The following GPATCH8 variants were observed in gnomAD, a reference collection of about 807,000 sequenced individuals.
The protein encoded by GPATCH8 is G-patch domain containing 8, also known as G patch domain-containing protein 8.
GPATCH8 carries 18 observed loss-of-function variants against 118.3 expected under a neutral mutation model. That is an observed-to-expected ratio of 0.15 (90% CI 0.11 to 0.23). GPATCH8 has a LOEUF of 0.23. Ranked by LOEUF, GPATCH8 falls within the 10% of genes least tolerant of loss-of-function variation. The pLI, the probability that GPATCH8 is intolerant of heterozygous loss-of-function variation, is 1.00. For synonymous variants in GPATCH8, 659 were observed against 684.7 expected (o/e 0.96, Z 0.59); for missense variants, 1,631 against 1,873.8 (o/e 0.87, Z 2.39).
At chr17:44,449,592 C>T (rs2051037856) in intron 3 of GPATCH8, among the ~76,000 whole-genome samples, 1 of 151,526 alleles carries the variant, frequency 6.6e-6, no homozygotes, top group African/African-American at 2.4e-5. Flanking sequence ...TCTTGGCTCA[C>T]CGCAACCTCC....
chr17:44,450,179 T>C (rs1364697372), intron 3 of GPATCH8, among the ~76,000 whole-genome samples: 1 of 152,182 alleles, frequency 6.6e-6, no homozygotes, highest in Non-Finnish European at 1.5e-5. Flanking sequence ...AGTAGTAACT[T>C]GCGGTTCAAA....
At chr17:44,436,712 T>C (rs1394804247) in intron 3 of GPATCH8, 167 bp from the exon 4 acceptor site, 5 of 674,248 alleles carry the variant, frequency 7.4e-6, no homozygotes, top group Admixed American at 2.2e-5. Flanking sequence ...AGACCTTCCT[T>C]TCCTAGTTTA....
intron 1 of GPATCH8, among the ~76,000 whole-genome samples, chr17:44,499,010 T>C (rs1342758721): frequency 6.6e-6 from 1 of 152,236 alleles, no homozygotes; most frequent in African/African-American, 2.4e-5. Flanking sequence ...ATGTAATACA[T>C]GACTAGCTTA....
intron 3 of GPATCH8, among the ~76,000 whole-genome samples, chr17:44,453,308 T>A (rs1172433063): frequency 6.6e-6 from 1 of 152,196 alleles, no homozygotes; most frequent in Non-Finnish European, 1.5e-5. Flanking sequence ...ACTGGTTGCT[T>A]ACCCTTGGGC....
At chr17:44,406,124 T>TA in intron 6 of GPATCH8, 73 bp from the exon 7 acceptor site, 1 of 1,079,560 alleles carries the variant, frequency 9.3e-7, no homozygotes, top group Middle Eastern at 2.4e-4. Context: ...GCAAAGCCTT[T>TA]AGGACATGAC....
chr17:44,493,260 C>G (rs960699795), intron 1 of GPATCH8, among the ~76,000 whole-genome samples: 2 of 152,044 alleles, frequency 1.3e-5, no homozygotes, highest in Admixed American at 1.3e-4. Flanking sequence ...AGGGTTTTGC[C>G]ATGTTGGCCA....
Position 44,395,768 on chromosome 17 carries a change from T to A in GPATCH8, c.*1800A>T, listed in dbSNP as rs1289353325. 2.2e-6 allele frequency: 1 copy of A among 454,012 alleles called. No homozygotes were observed. The highest frequency in any genetic ancestry group is 2.0e-5 in the African/African-American group (1 of 49,996). The allele number at this position is 454,012 out of a possible 1,614,324, so 28.1% of individuals were successfully genotyped here. On this transcript the variant is annotated 3_prime_UTR_variant, in exon 8 of 8. Coordinates refer to ENST00000591680, the MANE Select transcript of GPATCH8 (RefSeq NM_001002909.4). ...AGCCTTGGCCCAGGTAAGTATGGTTTTTCTTGTCAAGTGACCAACCAACCA... is the reference window on the plus strand; with the variant it reads ...AGCCTTGGCCCAGGTAAGTATGGTTATTCTTGTCAAGTGACCAACCAACCA...
chr17:44,496,668 T>C (rs551178306), intron 1 of GPATCH8, among the ~76,000 whole-genome samples: 1 of 152,352 alleles, frequency 6.6e-6, no homozygotes, highest in South Asian at 2.1e-4. Context: ...TTACTATCTA[T>C]GGGGCTTACT....
intron 2 of GPATCH8, among the ~76,000 whole-genome samples, chr17:44,470,417 AT>A (rs1967185540): frequency 6.7e-6 from 1 of 149,964 alleles, no homozygotes; most frequent in Non-Finnish European, 1.5e-5. Context: ...AGAATGGTCT[AT>A]CTCCTGACCC....
intron 5 of GPATCH8, among the ~76,000 whole-genome samples, chr17:44,434,863 T>G (rs1288025810): frequency 6.6e-6 from 1 of 152,210 alleles, no homozygotes; most frequent in Non-Finnish European, 1.5e-5. Flanking sequence ...TCTAACACAC[T>G]TTAGAAGTAG....
intron 6 of GPATCH8, 133 bp from the exon 7 acceptor site, chr17:44,406,184 T>G: frequency 2.5e-5 from 18 of 706,918 alleles, no homozygotes; most frequent in East Asian, 5.2e-5. Flanking sequence ...TCATATTCTC[T>G]TATGGCAATT....
intron 2 of GPATCH8, among the ~76,000 whole-genome samples, chr17:44,472,852 C>T (rs71371999): frequency 0.053 from 7,936 of 150,838 alleles, 692 homozygotes; most frequent in African/African-American, 0.18. Context: ...CCTACCACTG[C>T]GCCCGGCTAA....
intron 3 of GPATCH8, among the ~76,000 whole-genome samples, chr17:44,458,691 T>A (rs1353549075): frequency 6.6e-6 from 1 of 152,100 alleles, no homozygotes; most frequent in Non-Finnish European, 1.5e-5. Flanking sequence ...CTGGCTAATC[T>A]ATTTTTTAAA....
chr17:44,405,670 A>C lies in GPATCH8; in HGVS notation c.623+251T>G, dbSNP rs950832738. Among the ~76,000 whole-genome samples the C allele has an allele frequency of 2.0e-5, 3 of 151,454 alleles. No homozygotes were observed. The East Asian group carries it at 5.8e-4, about 29-fold the overall frequency. ...CAGGCGCTCGCCACCATGCCCGGCT[A>C]ATTTTTTGTATTTTTAGTAGAGATG... On this transcript the variant is annotated intron_variant, in intron 7 of 7. Coordinates refer to ENST00000591680, the MANE Select transcript of GPATCH8 (RefSeq NM_001002909.4).
intron 2 of GPATCH8, 46 bp from the exon 3 acceptor site, chr17:44,464,590 T>C (rs775361426): frequency 9.5e-7 from 1 of 1,049,246 alleles, no homozygotes; most frequent in Non-Finnish European, 1.5e-6. Context: ...TCCAATAATA[T>C]ATTCTTCCCT....
intron 2 of GPATCH8, chr17:44,467,231 A>G (rs976044309): frequency 2.6e-6 from 1 of 386,060 alleles, no homozygotes; most frequent in African/African-American, 2.1e-5. Flanking sequence ...TTTATTAAAG[A>G]GTGAAAGCAT....
intron 2 of GPATCH8, among the ~76,000 whole-genome samples, chr17:44,472,311 G>A (rs1251619475): frequency 6.6e-6 from 1 of 152,122 alleles, no homozygotes; most frequent in Non-Finnish European, 1.5e-5. Context: ...ATTCAACAAT[G>A]ATTACTCAAT....
At chr17:44,416,305 C>T (rs2143817932) in intron 6 of GPATCH8, among the ~76,000 whole-genome samples, 1 of 132,158 alleles carries the variant, frequency 7.6e-6, no homozygotes, top group Admixed American at 8.0e-5. Context: ...GCCACCATGC[C>T]TGGCCTTCAG....
intron 3 of GPATCH8, among the ~76,000 whole-genome samples, chr17:44,448,573 G>GGAAGAA (rs141804150): frequency 7.8e-5 from 10 of 127,664 alleles, no homozygotes; most frequent in African/African-American, 3.0e-4. Context: ...AAGAGGAAGA[G>GGAAGAA]GAAGAAGAAG....
Sources: gnomAD v4.1 joint callset for allele counts (sites outside exome capture counted in the v4.1 genomes callset) on GRCh38, gnomAD v4.1.1 for gene constraint, MANE v1.5 for transcripts, NCBI Gene and HGNC (gene_info 2026-07-23, HGNC 2026-07-21) for gene names.